Variants in KIZ observed in about 807,000 individuals in gnomAD.
KIZ encodes the protein kizuna centrosomal protein.
A neutral mutation model predicts 79.6 loss-of-function variants in KIZ; 68 were observed. The observed-to-expected ratio is 0.85, with a 90% CI of 0.70 to 1.05. KIZ has a LOEUF of 1.05. KIZ is among the 50% of genes least tolerant of loss of function. The pLI is 0.00. For synonymous variants in KIZ, 280 were observed against 281.8 expected (o/e 0.99, Z 0.06); for missense variants, 797 against 800.4 (o/e 1.00, Z 0.05).
At chr20:21,209,294 G>A (rs185618790) in intron 7 of KIZ, among the ~76,000 whole-genome samples, 3 of 152,268 alleles carry the variant, frequency 2.0e-5, no homozygotes, top group Admixed American at 2.0e-4. Context: ...GGAAAAATTT[G>A]TAATTACTTT....
chr20:21,240,198 CA>C (rs2037167575), intron 11 of KIZ, among the ~76,000 whole-genome samples: 1 of 152,128 alleles, frequency 6.6e-6, no homozygotes, highest in South Asian at 2.1e-4. Context: ...AATGTCAGCT[CA>C]CTGTAACCTC....
intron 6 of KIZ, among the ~76,000 whole-genome samples, chr20:21,163,680 T>C (rs1440003586): frequency 3.3e-5 from 5 of 152,236 alleles, no homozygotes; most frequent in African/African-American, 1.2e-4. Flanking sequence ...GTAAGCCAGA[T>C]TTCCTTTTTT....
At chr20:21,201,753 T>C (rs1020145793) in intron 6 of KIZ, among the ~76,000 whole-genome samples, 13 of 152,254 alleles carry the variant, frequency 8.5e-5, no homozygotes, top group African/African-American at 3.1e-4. Context: ...ATGTTATAAA[T>C]TTTCCAACGT....
At position 21,224,022 on chromosome 20, in the gene KIZ, T is replaced by G. The variant is rs1426724646; in HGVS notation, c.1679-4989T>G. ...TTATTTATTTTTTTGAGATGGAGTT[T>G]TATTCTTGTTGCCCAGGCTGGAGTG... On this transcript the variant is annotated intron_variant, in intron 9 of 12. Transcript: ENST00000619189. Among the ~76,000 whole-genome samples the G allele has an allele frequency of 2.7e-5, 4 of 150,334 alleles. No homozygotes were observed. The East Asian group carries it at 8.0e-4, about 30-fold the overall frequency.
chr20:21,149,867 T>G (rs955230776), intron 4 of KIZ, among the ~76,000 whole-genome samples: 2 of 152,100 alleles, frequency 1.3e-5, no homozygotes, highest in African/African-American at 4.8e-5. Context: ...GTGACTTAGG[T>G]TGGAATCCCC....
intron 6 of KIZ, among the ~76,000 whole-genome samples, chr20:21,203,199 G>A (rs1337859505): frequency 1.3e-5 from 2 of 152,094 alleles, no homozygotes; most frequent in African/African-American, 4.8e-5. Flanking sequence ...TTTTAATTTT[G>A]TGACATTCCC....
Position 21,246,193 on chromosome 20 carries a change from A to T in KIZ, c.1925-286A>T, listed in dbSNP as rs749116146. The stretch of plus-strand genomic sequence containing the variant: ...GGAACCCTGCTTCCATGTAACCCTG[A>T]CCTTAAATCCCTATCCTATAATAAA... On this transcript the variant is annotated intron_variant, in intron 12 of 12. Coordinates refer to ENST00000619189, the MANE Select transcript of KIZ (RefSeq NM_018474.6). 1.1e-5 allele frequency: 4 copies of T among 377,206 alleles called. No individual in the cohort carries two copies. The South Asian group carries it at 1.6e-4, about 15-fold the overall frequency. The allele number at this position is 377,206 out of a possible 1,614,324, so 23.4% of individuals were successfully genotyped here.
At chr20:21,179,607 A>G (rs1305922833) in intron 6 of KIZ, among the ~76,000 whole-genome samples, 6 of 150,918 alleles carry the variant, frequency 4.0e-5, no homozygotes, top group African/African-American at 9.7e-5. Flanking sequence ...CCTTCTATCT[A>G]CTAACTTTGT....
chr20:21,146,671 G>C (rs1003879066), intron 4 of KIZ, among the ~76,000 whole-genome samples: 3 of 152,188 alleles, frequency 2.0e-5, no homozygotes, highest in Non-Finnish European at 1.5e-5. Flanking sequence ...GCAGTTAACT[G>C]TTGGGTATTT....
At chr20:21,142,193 C>T (rs1433670856) in intron 3 of KIZ, among the ~76,000 whole-genome samples, 2 of 152,140 alleles carry the variant, frequency 1.3e-5, no homozygotes, top group Non-Finnish European at 2.9e-5. Flanking sequence ...ACCACATTAT[C>T]TCATACCTCC....
intron 2 of KIZ, among the ~76,000 whole-genome samples, chr20:21,135,117 G>T (rs1697156739): frequency 1.3e-5 from 2 of 152,088 alleles, no homozygotes; most frequent in African/African-American, 4.8e-5. Flanking sequence ...TTTCTTTGTT[G>T]ACCTTAGCTG....
chr20:21,151,604 G>A (rs2033121914), intron 4 of KIZ: 1 of 152,174 alleles, frequency 6.6e-6, no homozygotes, highest in Admixed American at 6.5e-5. Context: ...AGGATTTATA[G>A]AAGCTCCATA....
intron 4 of KIZ, among the ~76,000 whole-genome samples, chr20:21,146,280 A>G (rs1162124077): frequency 9.0e-6 from 1 of 111,192 alleles, no homozygotes; most frequent in Non-Finnish European, 2.1e-5. Context: ...TGCTGGCAAG[A>G]GTAGTCACTT....
intron 12 of KIZ, 78 bp downstream of exon 12, chr20:21,244,366 C>A: frequency 9.8e-7 from 1 of 1,024,344 alleles, no homozygotes; most frequent in Non-Finnish European, 1.5e-6. Context: ...TTGTTGTTTG[C>A]ACCCTCATGT....
At chr20:21,237,301 C>CAAAA (rs72536116) in intron 11 of KIZ, among the ~76,000 whole-genome samples, 4 of 58,610 alleles carry the variant, frequency 6.8e-5, no homozygotes, top group Admixed American at 1.6e-4. Flanking sequence ...AACTCCGTCT[C>CAAAA]AAAAAAAAAA....
intron 3 of KIZ, among the ~76,000 whole-genome samples, chr20:21,139,948 C>T (rs1203924552): frequency 3.3e-5 from 5 of 152,120 alleles, no homozygotes; most frequent in Non-Finnish European, 7.3e-5. Context: ...GATGTGAGTT[C>T]CATGGAGAAC....
At chr20:21,155,682 G>T (rs1332793132) in intron 4 of KIZ, among the ~76,000 whole-genome samples, 3 of 152,128 alleles carry the variant, frequency 2.0e-5, no homozygotes, top group Non-Finnish European at 4.4e-5. Context: ...AAGTTTTATG[G>T]TATGTGAATT....
intron 11 of KIZ, among the ~76,000 whole-genome samples, chr20:21,234,363 CCACA>C (rs111352243): frequency 0.018 from 2,643 of 149,784 alleles, 81 homozygotes; most frequent in African/African-American, 0.061. Context: ...AAAAAAAAAA[CCACA>C]CAAAAAGGCC....
chr20:21,146,117 T>C (rs1242210329), intron 4 of KIZ, among the ~76,000 whole-genome samples: 2 of 152,230 alleles, frequency 1.3e-5, no homozygotes, highest in Non-Finnish European at 2.9e-5. Context: ...TTAAATAAAT[T>C]CTGCTATGTA....
Sources: allele counts gnomAD v4.1 joint callset (sites outside exome capture counted in the v4.1 genomes callset), GRCh38; gene constraint gnomAD v4.1.1; transcripts MANE v1.5; gene names NCBI Gene and HGNC (gene_info 2026-07-23, HGNC 2026-07-21).